GRIK3: variants seen among roughly 807,000 people sequenced by gnomAD.
GRIK3 encodes glutamate receptor ionotropic, kainate 3.
In GRIK3, 29 loss-of-function variants were observed where a neutral mutation model predicts 102.5. The observed-to-expected ratio is 0.28, with a 90% CI of 0.21 to 0.39. The LOEUF is 0.39. Ranked by LOEUF, GRIK3 falls within the 10% of genes least tolerant of loss-of-function variation. The pLI is 1.00. For missense variants in GRIK3, 908 were observed against 1,252.4 expected (o/e 0.73, Z 4.15); for synonymous variants, 511 against 504.9 (o/e 1.01, Z -0.16).
At chr1:36,977,492 C>T (rs1169618695) in intron 1 of GRIK3, among the ~76,000 whole-genome samples, 1 of 152,182 alleles carries the variant, frequency 6.6e-6, no homozygotes, top group Admixed American at 6.5e-5. Context: ...GCAGTAGATG[C>T]TCAATTAACA....
chr1:36,932,669 C>T (rs1299040371), intron 1 of GRIK3, among the ~76,000 whole-genome samples: 2 of 152,224 alleles, frequency 1.3e-5, no homozygotes, highest in Non-Finnish European at 2.9e-5. Flanking sequence ...ACTTTCCAAA[C>T]TGCCACTTGG....
chr1:37,008,109 C>T (rs754144542), intron 1 of GRIK3, among the ~76,000 whole-genome samples: 6 of 152,290 alleles, frequency 3.9e-5, no homozygotes, highest in East Asian at 3.9e-4. Flanking sequence ...TCCCAGCACG[C>T]GGAGGGGCCT....
chr1:36,801,933 T>C lies in GRIK3; in HGVS notation c.2678A>G (p.Asn893Ser). 6.2e-7 allele frequency: 1 copy of C among 1,614,116 alleles called. No homozygotes were observed. Among genetic ancestry groups the C allele is most frequent in the East Asian group, 2.2e-5 (1 of 44,890 alleles). Reference sequence around the variant, plus strand: ...CCGGCGGTCATTGAATGTGTGCATGTTGATGACGGCGTCAGTCTTGACCAT... The same window carrying C: ...CCGGCGGTCATTGAATGTGTGCATGCTGATGACGGCGTCAGTCTTGACCAT... ...PMMVKTDAVINMHTFNDRRLP... is the reference protein window; with the variant it reads ...PMMVKTDAVISMHTFNDRRLP... The change falls in exon 16 of 16, where the codon AAC becomes AGC. Residue 893 changes from asparagine to serine, a missense_variant. Transcript: ENST00000373091.
chr1:36,955,294 CGGTG>C (rs1557439296), intron 1 of GRIK3, among the ~76,000 whole-genome samples: 1 of 152,122 alleles, frequency 6.6e-6, no homozygotes, highest in African/African-American at 2.4e-5. Context: ...AGGTGTGGGG[CGGTG>C]GGGTACAGGG....
intron 1 of GRIK3, among the ~76,000 whole-genome samples, chr1:36,945,691 G>A (rs768902538): frequency 1.3e-5 from 2 of 152,216 alleles, no homozygotes; most frequent in Non-Finnish European, 2.9e-5. Context: ...TTCTTTTGGT[G>A]TGTGTAATTT....
chr1:37,005,559 C>T (rs1178292409), intron 1 of GRIK3, among the ~76,000 whole-genome samples: 2 of 152,158 alleles, frequency 1.3e-5, no homozygotes, highest in African/African-American at 4.8e-5. Flanking sequence ...GGGGCTGGGC[C>T]AGCCAGGGGG....
In GRIK3 at chr1:36,930,239, C is replaced by T. The variant is rs1311506325; in HGVS notation, c.116-39143G>A. On this transcript the variant is annotated intron_variant, in intron 1 of 15. Coordinates refer to ENST00000373091, the MANE Select transcript of GRIK3 (RefSeq NM_000831.4). ...CTTGGAGGCTGGCTTTTGAGATTGG[C>T]CTTCTGGTTTCAGCTTCTGGAACTT... Among the ~76,000 whole-genome samples, 6 of 152,270 alleles carry T rather than the reference C, an allele frequency of 3.9e-5. No homozygotes were observed. In the East Asian group the frequency reaches 5.8e-4, roughly 15 times the overall value.
At chr1:36,824,912 T>TA (rs983302667) in intron 11 of GRIK3, among the ~76,000 whole-genome samples, 29 of 152,222 alleles carry the variant, frequency 1.9e-4, no homozygotes, top group African/African-American at 6.7e-4. Flanking sequence ...GTCTCCTCTT[T>TA]AAGGGAGGCT....
chr1:36,923,310 G>A (rs1483674516), intron 1 of GRIK3, among the ~76,000 whole-genome samples: 1 of 152,216 alleles, frequency 6.6e-6, no homozygotes, highest in African/African-American at 2.4e-5. Flanking sequence ...GGCAGCAGCA[G>A]GGGGTAGAGG....
At chr1:36,860,180 C>A (rs373016016) in intron 5 of GRIK3, among the ~76,000 whole-genome samples, 163 bp from the exon 6 acceptor site, 1 of 152,198 alleles carries the variant, frequency 6.6e-6, no homozygotes. Context: ...GTCACAGGAG[C>A]ACCCATAGGA....
chr1:36,848,790 T>G (rs1640547359), intron 9 of GRIK3, among the ~76,000 whole-genome samples: 1 of 152,172 alleles, frequency 6.6e-6, no homozygotes, highest in Admixed American at 6.5e-5. Flanking sequence ...CACAGGTTTT[T>G]TTTTTTTTTA....
intron 1 of GRIK3, among the ~76,000 whole-genome samples, chr1:36,979,821 G>A (rs1021618532): frequency 6.6e-6 from 1 of 152,234 alleles, no homozygotes; most frequent in Non-Finnish European, 1.5e-5. Context: ...GGGAGAACAA[G>A]CCTGGCTCAA....
chr1:36,849,340 G>T (rs1226307191), intron 9 of GRIK3, among the ~76,000 whole-genome samples: 1 of 152,214 alleles, frequency 6.6e-6, no homozygotes, highest in African/African-American at 2.4e-5. Context: ...TGACCAGTCT[G>T]TCCTGGGTTC....
rs1049559184 is a variant in GRIK3 at position 36,872,998 on chromosome 1, A to G, written c.551-629T>C. On this transcript the variant is annotated intron_variant, in intron 3 of 15. Transcript: ENST00000373091. The surrounding 1 kb of genome is among the most constrained non-coding windows in gnomAD (Gnocchi z 5.9). Reference sequence around the variant, plus strand: ...AGGGCAGTCTGCCTTGGTAAACCTTACCCACTTTTTCAGGTTTAGTGCAAC... The same window carrying G: ...AGGGCAGTCTGCCTTGGTAAACCTTGCCCACTTTTTCAGGTTTAGTGCAAC... Among the ~76,000 whole-genome samples, 2 of 151,992 alleles carry G rather than the reference A, an allele frequency of 1.3e-5. No individual in the cohort carries two copies. Among genetic ancestry groups the G allele is most frequent in the African/African-American group, 2.4e-5 (1 of 41,378 alleles).
chr1:36,869,727 C>T, intron 5 of GRIK3, 21 bp downstream of exon 5: 2 of 1,583,120 alleles, frequency 1.3e-6, no homozygotes, highest in East Asian at 2.2e-5. Context: ...TTTCCCGTGC[C>T]AGGACCCAGA....
At chr1:36,884,896 C>A (rs1186329095) in intron 2 of GRIK3, among the ~76,000 whole-genome samples, 7 of 152,184 alleles carry the variant, frequency 4.6e-5, no homozygotes, top group Non-Finnish European at 8.8e-5. Context: ...CCTCTTAGGT[C>A]ATGTCCAAGG....
At position 36,817,325 on chromosome 1, in the gene GRIK3, C is replaced by T. The variant is rs372806104; in HGVS notation, c.1874-48G>A. The T allele has an allele frequency of 4.5e-4, 581 of 1,295,418 alleles. 1 individual carries two copies. The highest frequency in any genetic ancestry group is 7.3e-4 in the Middle Eastern group (4 of 5,450). The allele number at this position is 1,295,418 out of a possible 1,614,324, so 80.2% of individuals were successfully genotyped here. On this transcript the variant is annotated intron_variant, in intron 12 of 15. Coordinates refer to ENST00000373091, the MANE Select transcript of GRIK3 (RefSeq NM_000831.4). Reference sequence around the variant, plus strand: ...CAGTCCCTTACAACATCCAGACTAGCGCTGCTCAAGTCCCCTGGGTCATGG... The same window carrying T: ...CAGTCCCTTACAACATCCAGACTAGTGCTGCTCAAGTCCCCTGGGTCATGG...
At chr1:36,854,012 C>G (rs190120760) in intron 7 of GRIK3, among the ~76,000 whole-genome samples, 37 of 152,262 alleles carry the variant, frequency 2.4e-4, no homozygotes, top group Middle Eastern at 3.4e-3. Context: ...AAGGGGGAGC[C>G]CATGTCAGAT....
intron 5 of GRIK3, among the ~76,000 whole-genome samples, chr1:36,863,934 T>C (rs1183705973): frequency 1.3e-5 from 2 of 152,086 alleles, no homozygotes; most frequent in Non-Finnish European, 2.9e-5. Flanking sequence ...TTTCACATCC[T>C]CCTCTCAGGG....
Sources: allele counts gnomAD v4.1 joint callset (sites outside exome capture counted in the v4.1 genomes callset), GRCh38; gene constraint gnomAD v4.1.1; non-coding constraint Gnocchi (gnomAD v3.1); transcripts MANE v1.5; gene names NCBI Gene and HGNC (gene_info 2026-07-23, HGNC 2026-07-21).